The following NFATC2 variants were observed in gnomAD, a reference collection of about 807,000 sequenced individuals.
The protein encoded by NFATC2 is nuclear factor of activated T-cells, cytoplasmic 2.
In NFATC2, 22 loss-of-function variants were observed where a neutral mutation model predicts 87.3. The ratio of observed to expected loss-of-function variants is 0.25; its 90% CI spans 0.18 to 0.36. The LOEUF (loss-of-function observed/expected upper bound fraction) is 0.36. NFATC2 is among the 10% of genes least tolerant of loss of function. The probability of loss-of-function intolerance (pLI) is 1.00; values close to 1 mark genes in which losing one functional copy is unlikely to be tolerated. For synonymous variants in NFATC2, 565 were observed against 542.2 expected, an observed-to-expected ratio of 1.04 and a Z score of -0.58; for missense variants, 1,149 against 1,259.1, an observed-to-expected ratio of 0.91 and a Z score of 1.32.
At chr20:51,434,900 G>A (rs908085832) in intron 8 of NFATC2, among the ~76,000 whole-genome samples, 2 of 152,116 alleles carry the variant, frequency 1.3e-5, no homozygotes. Context: ...CTGAACATGC[G>A]TACACACACC....
chr20:51,515,284 C>T (rs890008524), intron 3 of NFATC2, among the ~76,000 whole-genome samples: 8 of 152,280 alleles, frequency 5.3e-5, no homozygotes, highest in African/African-American at 1.4e-4. Flanking sequence ...AAGAGTGCAG[C>T]GGAGCTGGCA....
At chr20:51,502,819 A>G (rs533424853) in intron 3 of NFATC2, among the ~76,000 whole-genome samples, 6 of 152,350 alleles carry the variant, frequency 3.9e-5, no homozygotes, top group Non-Finnish European at 7.3e-5. Flanking sequence ...CAGTTTTACA[A>G]TAAATGTCAA....
intron 1 of NFATC2, among the ~76,000 whole-genome samples, chr20:51,535,573 G>A (rs897200040): frequency 6.6e-6 from 1 of 152,166 alleles, no homozygotes; most frequent in African/African-American, 2.4e-5. Flanking sequence ...TTCATCAGTG[G>A]CCCCTGCCAA....
Position 51,524,014 on chromosome 20 carries a change from G to C in NFATC2, c.227C>G (p.Ala76Gly), listed in dbSNP as rs1290675942. 1.3e-6 allele frequency: 2 copies of C among 1,562,278 alleles called. No homozygotes were observed. The highest frequency in any genetic ancestry group is 8.6e-7 in the Non-Finnish European group (1 of 1,159,530). Residue 76 changes from alanine to glycine, a missense_variant, in exon 2 of 11, where the codon GCT (alanine) becomes GGT (glycine). Transcript: ENST00000371564. This position sits in a 1 kb window ranked among gnomAD's most constrained non-coding sequence, Gnocchi z 4.0. ...GCCGGGGGGCTCGCCAGAGAGACTA[G>C]CAAGGGGGCTGTATGGCTTGAGGCC... ...DYGLKPYSPL[A>G]SLSGEPPGRF... is the part of the protein sequence containing the mutation.
chr20:51,516,306 G>A (rs371029840), intron 3 of NFATC2, among the ~76,000 whole-genome samples: 7 of 152,144 alleles, frequency 4.6e-5, no homozygotes, highest in African/African-American at 1.4e-4. Flanking sequence ...AGAGGCTGGC[G>A]TGTTTGTGAA....
chr20:51,438,354 TC>T (rs1983861189), intron 6 of NFATC2, among the ~76,000 whole-genome samples: 1 of 146,118 alleles, frequency 6.8e-6, no homozygotes, highest in African/African-American at 2.6e-5. Context: ...TTTGTCACCC[TC>T]CCCCATAGCC....
intron 5 of NFATC2, among the ~76,000 whole-genome samples, chr20:51,469,208 G>C: frequency 6.6e-6 from 1 of 152,052 alleles, no homozygotes; most frequent in East Asian, 1.9e-4. Flanking sequence ...GTAGAGATGG[G>C]TTTTCACCAT....
At chr20:51,466,280 T>C (rs775895139) in intron 5 of NFATC2, among the ~76,000 whole-genome samples, 49 of 152,280 alleles carry the variant, frequency 3.2e-4, no homozygotes, top group Non-Finnish European at 6.2e-4. Flanking sequence ...CTCGAACTCC[T>C]GACCTCAAGT....
chr20:51,399,046 T>C (rs762341701), intron 9 of NFATC2: 1 of 245,430 alleles, frequency 4.1e-6, no homozygotes, highest in Non-Finnish European at 7.9e-6. Context: ...CATGGCCAAC[T>C]ACAAAGAGAA....
chr20:51,552,868 A>G (rs190404667), intron 1 of NFATC2, among the ~76,000 whole-genome samples: 1 of 152,160 alleles, frequency 6.6e-6, no homozygotes, highest in East Asian at 1.9e-4. Flanking sequence ...GGTTTGTTAC[A>G]TCAGTAAACA....
At chr20:51,477,492 T>C (rs987204384) in intron 3 of NFATC2, among the ~76,000 whole-genome samples, 1 of 143,610 alleles carries the variant, frequency 7.0e-6, no homozygotes, top group Non-Finnish European at 1.5e-5. Context: ...ATATTTAAAA[T>C]ATATATATAT....
At chr20:51,544,234 G>A (rs1057301362), upstream of NFATC2, among the ~76,000 whole-genome samples, 14 of 151,840 alleles carry the variant, frequency 9.2e-5, no homozygotes, top group African/African-American at 3.1e-4. Context: ...TGATCCACCC[G>A]CCTCGGCCTC....
rs753777526 is a variant in NFATC2, at chr20:51,398,694, A to ATGTT, written c.2755_2758dup (p.Ile920LysfsTer12). ...GATCACAGTCATTCTGTTTCATAAT[A>ATGTT]TGTTTTGTATCCAGCTAAGGTGTGT... is the stretch of plus-strand genomic sequence containing the variant. On this transcript the variant is annotated frameshift_variant, in exon 10 of 11. Coordinates refer to ENST00000371564, the MANE Select transcript of NFATC2 (RefSeq NM_012340.5). LOFTEE classifies it high-confidence loss of function. The ATGTT allele has an allele frequency of 2.5e-6, 4 of 1,613,278 alleles. No homozygotes were observed. Among genetic ancestry groups the ATGTT allele is most frequent in the Non-Finnish European group, 2.5e-6 (3 of 1,179,620 alleles).
Position 51,398,624 on chromosome 20 carries a change from A to G in NFATC2, c.*44+19T>C. 4.5e-6 allele frequency: 7 copies of G among 1,551,132 alleles called. No individual in the cohort carries two copies. The highest frequency in any genetic ancestry group is 6.2e-6 in the Non-Finnish European group (7 of 1,137,928). On this transcript the variant is annotated intron_variant, in intron 10 of 10. Coordinates refer to ENST00000371564, the MANE Select transcript of NFATC2 (RefSeq NM_012340.5). ...CACACAGCTGGAAAACAAAAGGAGA[A>G]GCAGAAGATATCGATTACCTTTAAC...
intron 3 of NFATC2, among the ~76,000 whole-genome samples, chr20:51,506,244 G>A (rs963791321): frequency 1.3e-5 from 2 of 152,188 alleles, no homozygotes; most frequent in African/African-American, 4.8e-5. Context: ...GGAAGGTGAG[G>A]CTCAATGCCT....
At chr20:51,399,418 C>A (rs1987738731) in intron 9 of NFATC2, among the ~76,000 whole-genome samples, 1 of 152,166 alleles carries the variant, frequency 6.6e-6, no homozygotes, top group African/African-American at 2.4e-5. Flanking sequence ...ATTCCAAATG[C>A]CTGATTTAGA....
chr20:51,519,267 C>G (rs544055476), intron 2 of NFATC2, among the ~76,000 whole-genome samples: 1 of 152,206 alleles, frequency 6.6e-6, no homozygotes, highest in African/African-American at 2.4e-5. Flanking sequence ...AATTCAGCGG[C>G]ATATCCCCAG....
At chr20:51,447,947 C>T (rs1985280206) in intron 6 of NFATC2, among the ~76,000 whole-genome samples, 1 of 152,192 alleles carries the variant, frequency 6.6e-6, no homozygotes, top group African/African-American at 2.4e-5. Flanking sequence ...ATCTGTGAGC[C>T]TCAGTTACCT....
chr20:51,437,280 G>C lies in NFATC2; in HGVS notation c.1850-1519C>G, dbSNP rs144237521. Among the ~76,000 whole-genome samples the C allele has an allele frequency of 1.6e-4, 24 of 152,332 alleles. No homozygotes were observed. The East Asian group carries it at 4.6e-3, about 29-fold the overall frequency. On this transcript the variant is annotated intron_variant, in intron 6 of 10. Transcript: ENST00000371564. ...AGGATATTAAATAGTTTTATGAGAA[G>C]GGGGAAAAATCTACATGCTAATGAG...
Sources: gnomAD v4.1 joint callset for allele counts (sites outside exome capture counted in the v4.1 genomes callset) on GRCh38, gnomAD v4.1.1 for gene constraint, Gnocchi (gnomAD v3.1) non-coding constraint, MANE v1.5 for transcripts, NCBI Gene and HGNC (gene_info 2026-07-23, HGNC 2026-07-21) for gene names.